NEBL: variants seen among roughly 807,000 people sequenced by gnomAD.
The protein encoded by NEBL is LIM and SH3 protein 2.
NEBL carries 122 observed loss-of-function variants against 140.2 expected under a neutral mutation model. The ratio of observed to expected loss-of-function variants is 0.87; its 90% CI spans 0.75 to 1.01. The LOEUF (loss-of-function observed/expected upper bound fraction) is 1.01. NEBL is among the 50% of genes least tolerant of loss of function. The pLI is 0.00. For missense variants in NEBL, 1,365 were observed against 1,231.3 expected, an observed-to-expected ratio of 1.11 and a Z score of -1.62; for synonymous variants, 436 against 398.9, an observed-to-expected ratio of 1.09 and a Z score of -1.11.
At chr10:20,939,096 A>C (rs1834684167) in intron 4 of NEBL, among the ~76,000 whole-genome samples, 2 of 152,174 alleles carry the variant, frequency 1.3e-5, no homozygotes, top group African/African-American at 4.8e-5. Context: ...AACACCACAA[A>C]GATACTCCCC....
intron 17 of NEBL, 23 bp downstream of exon 17, chr10:20,828,507 T>G (rs1554779302): frequency 2.0e-6 from 3 of 1,487,158 alleles, no homozygotes; most frequent in Admixed American, 1.7e-5. Context: ...GGTGGCAACT[T>G]AAAAGAAGTA....
At chr10:21,217,368 G>A (rs1842008129) in intron 3 of NEBL, among the ~76,000 whole-genome samples, 1 of 152,192 alleles carries the variant, frequency 6.6e-6, no homozygotes, top group Non-Finnish European at 1.5e-5. Flanking sequence ...TTGCCAAGGA[G>A]CTGCTTCTCA....
In NEBL at chr10:20,939,930, T is replaced by C. The variant is rs989473221; in HGVS notation, c.357+21742A>G. On this transcript the variant is annotated intron_variant, in intron 4 of 6. Coordinates refer to the NEBL transcript ENST00000417816. ...CCCAATACAGGAGCACCCAGATTCA[T>C]AAAGCAAGTCCTTAGAGACCCAGAA... Among the ~76,000 whole-genome samples, 46 of 152,124 alleles carry C rather than the reference T, an allele frequency of 3.0e-4. 1 individual carries two copies. The highest frequency in any genetic ancestry group is 1.9e-4 in the East Asian group (1 of 5,174).
chr10:21,098,277 G>C (rs1837295456), intron 2 of NEBL, among the ~76,000 whole-genome samples: 1 of 152,096 alleles, frequency 6.6e-6, no homozygotes. Context: ...CTGTCACACA[G>C]AGAGTGCAGA....
At chr10:20,926,735 G>T (rs1332700545) in intron 4 of NEBL, among the ~76,000 whole-genome samples, 2 of 152,168 alleles carry the variant, frequency 1.3e-5, no homozygotes, top group Non-Finnish European at 2.9e-5. Flanking sequence ...CAGCATTACT[G>T]CCGATGGCAC....
intron 5 of NEBL, among the ~76,000 whole-genome samples, chr10:20,877,835 G>A (rs953363157): frequency 6.6e-6 from 1 of 152,108 alleles, no homozygotes; most frequent in Non-Finnish European, 1.5e-5. Flanking sequence ...TATAAAATCC[G>A]ATGCACTCTG....
At chr10:20,938,781 C>T (rs987719381) in intron 4 of NEBL, among the ~76,000 whole-genome samples, 1 of 152,138 alleles carries the variant, frequency 6.6e-6, no homozygotes, top group Admixed American at 6.5e-5. Context: ...ACAACAACTA[C>T]GTGACGAATG....
intron 2 of NEBL, among the ~76,000 whole-genome samples, chr10:21,088,330 A>G (rs1292527030): frequency 6.6e-6 from 1 of 152,102 alleles, no homozygotes. Context: ...GCAAGACCCT[A>G]TTTCTGAGAA....
At chr10:21,198,019 ACT>A (rs1220159633) in intron 3 of NEBL, among the ~76,000 whole-genome samples, 2 of 148,846 alleles carry the variant, frequency 1.3e-5, no homozygotes, top group Non-Finnish European at 3.0e-5. Context: ...CAATCATGAA[ACT>A]CTGTCTCTGC....
At chr10:21,291,089 T>C (rs1001690600) in intron 1 of NEBL, among the ~76,000 whole-genome samples, 15 of 152,174 alleles carry the variant, frequency 9.9e-5, no homozygotes, top group Non-Finnish European at 1.8e-4. Flanking sequence ...TTAAGGGCTT[T>C]CTTTGCTAAT....
At chr10:20,806,210 C>T (rs1201720446) in intron 26 of NEBL, among the ~76,000 whole-genome samples, 3 of 152,062 alleles carry the variant, frequency 2.0e-5, no homozygotes, top group East Asian at 1.9e-4. Context: ...AGACAAGTGA[C>T]GTGGGCATGG....
intron 25 of NEBL, among the ~76,000 whole-genome samples, chr10:20,809,081 G>T (rs1837887422): frequency 6.6e-6 from 1 of 152,074 alleles, no homozygotes; most frequent in Non-Finnish European, 1.5e-5. Context: ...GACTATAAAA[G>T]TACTAGAATT....
chr10:21,155,002 C>A (rs898858408), intron 2 of NEBL, among the ~76,000 whole-genome samples: 2 of 152,098 alleles, frequency 1.3e-5, no homozygotes, highest in Non-Finnish European at 1.5e-5. Context: ...AGTTCGAGAC[C>A]AGCCTGGCCA....
At chr10:21,252,678 G>C in intron 1 of NEBL, among the ~76,000 whole-genome samples, 1 of 152,200 alleles carries the variant, frequency 6.6e-6, no homozygotes, top group East Asian at 1.9e-4. Context: ...AGAGGAGGCT[G>C]GGCGCGGTAG....
intron 26 of NEBL, among the ~76,000 whole-genome samples, chr10:20,795,853 A>G (rs894325119): frequency 6.6e-6 from 1 of 152,344 alleles, no homozygotes; most frequent in Non-Finnish European, 1.5e-5. Flanking sequence ...TGAAAGATTT[A>G]GTTGAAAATA....
At chr10:21,072,123 GT>G (rs970465015) in intron 2 of NEBL, among the ~76,000 whole-genome samples, 2 of 150,520 alleles carry the variant, frequency 1.3e-5, no homozygotes, top group South Asian at 2.1e-4. Context: ...TGGCCCATTG[GT>G]TTTTTTTTCA....
At chr10:20,791,290 C>T (rs1297362597) in intron 26 of NEBL, among the ~76,000 whole-genome samples, 1 of 152,094 alleles carries the variant, frequency 6.6e-6, no homozygotes, top group Admixed American at 6.5e-5. Context: ...AGGCTATTTT[C>T]TGCTTAATGG....
intron 3 of NEBL, among the ~76,000 whole-genome samples, chr10:21,214,032 T>C (rs1407869873): frequency 1.3e-5 from 2 of 152,174 alleles, no homozygotes; most frequent in Non-Finnish European, 2.9e-5. Context: ...CAGTTTTGTG[T>C]CTTGAATGAT....
intron 2 of NEBL, among the ~76,000 whole-genome samples, chr10:21,126,740 G>A (rs756959215): frequency 6.6e-6 from 1 of 151,962 alleles, no homozygotes; most frequent in East Asian, 1.9e-4. Context: ...TTGGGAGGCC[G>A]AGGCGGGTGG....
Sources: gnomAD v4.1 joint callset for allele counts (sites outside exome capture counted in the v4.1 genomes callset) on GRCh38, gnomAD v4.1.1 for gene constraint, MANE v1.5 for transcripts, NCBI Gene and HGNC (gene_info 2026-07-23, HGNC 2026-07-21) for gene names.